PLPP3: variants seen among roughly 807,000 people sequenced by gnomAD.
PLPP3 encodes the protein phospholipid phosphatase 3.
PLPP3 carries 6 observed loss-of-function variants against 29.6 expected under a neutral mutation model. The ratio of observed to expected loss-of-function variants is 0.20; its 90% CI spans 0.11 to 0.40. The LOEUF is 0.40. PLPP3 is among the 10% of genes least tolerant of loss of function. The pLI is 1.00. For synonymous variants in PLPP3, 152 were observed against 159.7 expected (o/e 0.95, Z 0.36); for missense variants, 308 against 407.7 (o/e 0.76, Z 2.11).
At chr1:56,521,670 G>T (rs916804806) in intron 4 of PLPP3, among the ~76,000 whole-genome samples, 6 of 151,662 alleles carry the variant, frequency 4.0e-5, no homozygotes, top group Non-Finnish European at 5.9e-5. Flanking sequence ...CTTAAGTGCC[G>T]AGATTACAGG....
intron 5 of PLPP3, among the ~76,000 whole-genome samples, chr1:56,509,056 C>A (rs1283323993): frequency 1.3e-5 from 2 of 152,206 alleles, no homozygotes; most frequent in Non-Finnish European, 2.9e-5. Flanking sequence ...TGAAATGAAT[C>A]TCTCAGTGCT....
intron 4 of PLPP3, among the ~76,000 whole-genome samples, chr1:56,517,250 C>T (rs1385326484): frequency 1.3e-5 from 2 of 152,234 alleles, no homozygotes; most frequent in East Asian, 3.8e-4. Flanking sequence ...TTTCTCCCTT[C>T]TCTAATTTCC....
At chr1:56,497,285 G>A (rs926055706) in intron 5 of PLPP3, among the ~76,000 whole-genome samples, 2 of 152,196 alleles carry the variant, frequency 1.3e-5, no homozygotes, top group African/African-American at 2.4e-5. Flanking sequence ...CATTCCCAGC[G>A]TCCTTTTTCC....
intron 5 of PLPP3, among the ~76,000 whole-genome samples, chr1:56,500,771 G>A (rs976369155): frequency 1.1e-4 from 16 of 152,098 alleles, no homozygotes; most frequent in Admixed American, 5.9e-4. Flanking sequence ...TTGGGAGGCT[G>A]AGGCAGGTGG....
intron 1 of PLPP3, among the ~76,000 whole-genome samples, chr1:56,563,316 G>A (rs934391510): frequency 6.6e-6 from 1 of 152,176 alleles, no homozygotes; most frequent in African/African-American, 2.4e-5. Flanking sequence ...CTGAATAGGG[G>A]CCCTACAATA....
chr1:56,576,265 C>G (rs542295484), intron 1 of PLPP3, among the ~76,000 whole-genome samples: 141 of 152,148 alleles, frequency 9.3e-4, no homozygotes, highest in African/African-American at 3.3e-3. Context: ...AACTGTCTCT[C>G]TTCTTAATAT....
At chr1:56,556,556 T>A (rs1178148184) in intron 1 of PLPP3, among the ~76,000 whole-genome samples, 1 of 152,110 alleles carries the variant, frequency 6.6e-6, no homozygotes, top group Non-Finnish European at 1.5e-5. Flanking sequence ...GGTGGTATAG[T>A]TTAAAGCATC....
chr1:56,500,211 T>C (rs367599233), intron 5 of PLPP3, among the ~76,000 whole-genome samples: 1 of 152,190 alleles, frequency 6.6e-6, no homozygotes, highest in Non-Finnish European at 1.5e-5. Context: ...AAGATGAATA[T>C]ATATAAGACA....
At chr1:56,578,746 C>T in intron 1 of PLPP3, 132 bp downstream of exon 1, 1 of 1,025,906 alleles carries the variant, frequency 9.7e-7, no homozygotes, top group Non-Finnish European at 1.2e-6. Flanking sequence ...AAAGGCTCCC[C>T]AGGAAGGCTG....
intron 1 of PLPP3, among the ~76,000 whole-genome samples, chr1:56,558,982 T>C (rs1308108206): frequency 6.6e-6 from 1 of 152,192 alleles, no homozygotes; most frequent in Non-Finnish European, 1.5e-5. Flanking sequence ...GAAAGACCAT[T>C]TAATTCAACT....
intron 1 of PLPP3, among the ~76,000 whole-genome samples, chr1:56,571,278 C>T (rs913182827): frequency 6.6e-6 from 1 of 152,224 alleles, no homozygotes; most frequent in Admixed American, 6.5e-5. Flanking sequence ...TCTTGAGTGT[C>T]TCTATGCACC....
intron 5 of PLPP3, among the ~76,000 whole-genome samples, chr1:56,501,514 C>T (rs1465899223): frequency 6.6e-6 from 1 of 152,098 alleles, no homozygotes; most frequent in Non-Finnish European, 1.5e-5. Flanking sequence ...GTCCCATTCC[C>T]TTCTCTCCCC....
Position 56,494,781 on chromosome 1 carries a change from T to A in PLPP3, c.*1770A>T, listed in dbSNP as rs1305947624. The A allele has an allele frequency of 6.6e-6, 1 of 152,668 alleles. No individual in the cohort carries two copies. The highest frequency in any genetic ancestry group is 2.4e-5 in the African/African-American group (1 of 41,470). 9.5% of individuals were successfully genotyped at this position (152,668 alleles called of 1,614,324 possible). A position where few individuals can be genotyped will look rare whatever the true frequency, so the allele number is the denominator to read the frequency against. On this transcript the variant is annotated 3_prime_UTR_variant, in exon 6 of 6. Coordinates refer to ENST00000371250, the MANE Select transcript of PLPP3 (RefSeq NM_003713.5). ...CTTAATTAGTTGTGTTACGAGCTTT[T>A]ATTTAAAAAGCACATTTAATACAAG...
intron 1 of PLPP3, among the ~76,000 whole-genome samples, chr1:56,555,454 A>AAAAAAAAAC (rs1646069877): frequency 1.3e-5 from 2 of 149,428 alleles, no homozygotes; most frequent in African/African-American, 2.5e-5. Context: ...AAAAAAAAAA[A>AAAAAAAAAC]AAAAAACAAA....
At chr1:56,547,051 G>T (rs1370876375) in intron 1 of PLPP3, among the ~76,000 whole-genome samples, 4 of 152,222 alleles carry the variant, frequency 2.6e-5, no homozygotes, top group Admixed American at 6.5e-5. Context: ...ATCTTACTCA[G>T]AATGGAGTTA....
rs141567203 is a variant in PLPP3 at position 56,578,972 on chromosome 1, C to G, written c.45G>C (p.Lys15Asn). Residue 15 changes from lysine (K) to asparagine (N), a missense_variant, in exon 1 of 6, where the codon AAG (lysine) becomes AAC (asparagine). This residue lies in a region of PLPP3 where 67 missense variants were observed against 61.3 expected (regional missense o/e 1.09). Transcript: ENST00000371250. Reference protein sequence around the residue: ...KYDKAIVPESKNGGSPALNNN... With the variant: ...KYDKAIVPESNNGGSPALNNN... ...TGTTGAGCGCCGGGCTGCCGCCGTT[C>G]TTGCTCTCCGGGACGATCGCTTTGT... The G allele has an allele frequency of 1.2e-5, 19 of 1,602,414 alleles. No homozygotes were observed. Among genetic ancestry groups the G allele is most frequent in the Non-Finnish European group, 1.6e-5 (19 of 1,175,476 alleles).
intron 4 of PLPP3, chr1:56,513,134 T>C (rs2100234299): frequency 6.6e-6 from 1 of 152,066 alleles, no homozygotes; most frequent in Middle Eastern, 3.4e-3. Context: ...AATTTTCAAA[T>C]AGAAGTTGAC....
At chr1:56,545,074 T>C (rs1645996287) in intron 1 of PLPP3, among the ~76,000 whole-genome samples, 1 of 152,246 alleles carries the variant, frequency 6.6e-6, no homozygotes, top group African/African-American at 2.4e-5. Flanking sequence ...GACTTAAATA[T>C]CCTTCAAGAC....
chr1:56,495,596 T>A lies in PLPP3; in HGVS notation c.*955A>T, dbSNP rs2100612704. The A allele has an allele frequency of 6.5e-6, 1 of 152,786 alleles. No homozygotes were observed. Among genetic ancestry groups the A allele is most frequent in the Non-Finnish European group, 1.5e-5 (1 of 68,066 alleles). 9.5% of individuals were successfully genotyped at this position (152,786 alleles called of 1,614,324 possible). Reference sequence around the variant, plus strand: ...GCAACAGCTAAAAGGTTGGTTCGATTTTCATTCTGCCCCCTTCACCCTCCC... The same window carrying A: ...GCAACAGCTAAAAGGTTGGTTCGATATTCATTCTGCCCCCTTCACCCTCCC... On this transcript the variant is annotated 3_prime_UTR_variant, in exon 6 of 6. Transcript: ENST00000371250.
Sources: allele counts gnomAD v4.1 joint callset (sites outside exome capture counted in the v4.1 genomes callset), GRCh38; gene constraint gnomAD v4.1.1; regional missense constraint gnomAD v4.1.1; transcripts MANE v1.5; gene names NCBI Gene and HGNC (gene_info 2026-07-23, HGNC 2026-07-21).